Variants in KCNG3 observed in about 807,000 individuals in gnomAD.
KCNG3 encodes the protein potassium voltage-gated channel modifier subfamily G member 3.
A neutral mutation model predicts 29.0 loss-of-function variants in KCNG3; 15 were observed. That is an observed-to-expected ratio of 0.52 (90% confidence interval 0.35 to 0.80). KCNG3 has a LOEUF of 0.80. Ranked by LOEUF, KCNG3 falls within the 30% of genes least tolerant of loss-of-function variation. The pLI, the probability that KCNG3 is intolerant of heterozygous loss-of-function variation, is 0.01. For synonymous variants in KCNG3, 322 were observed against 248.9 expected, an observed-to-expected ratio of 1.29 and a Z score of -2.76; for missense variants, 512 against 605.7, an observed-to-expected ratio of 0.85 and a Z score of 1.62.
At chr2:42,432,943 A>C in the KCNG3 span, among the ~76,000 whole-genome samples, 5 of 146,456 alleles carry the variant, frequency 3.4e-5, no homozygotes, top group South Asian at 4.6e-4. Flanking sequence ...ATAAAAAAAA[A>C]AAAAACAAAA....
chr2:42,409,826 A>G, the KCNG3 span, among the ~76,000 whole-genome samples: 6 of 151,970 alleles, frequency 3.9e-5, no homozygotes, highest in Admixed American at 6.6e-5. Flanking sequence ...TTCTTCCCCA[A>G]TAATACTTAT....
At chr2:42,434,369 T>A in the KCNG3 span, among the ~76,000 whole-genome samples, 17 of 138,774 alleles carry the variant, frequency 1.2e-4, no homozygotes, top group Admixed American at 1.2e-3. Flanking sequence ...GACAGGAAGA[T>A]CCTTTGAGCC....
the KCNG3 span, among the ~76,000 whole-genome samples, chr2:42,391,595 CTTTTTTTTTTT>C: frequency 4.5e-5 from 4 of 88,104 alleles, no homozygotes; most frequent in Admixed American, 1.5e-4. Context: ...TTTTATATCT[CTTTTTTTTTTT>C]TTTTTTTTTT....
chr2:42,444,686 T>G lies in KCNG3; in HGVS notation c.666-107A>C. On this transcript the variant is annotated intron_variant, in intron 1 of 1. Coordinates refer to ENST00000306078, the MANE Select transcript of KCNG3 (RefSeq NM_133329.6). The surrounding 1 kb of genome is among the most constrained non-coding windows in gnomAD (Gnocchi z 5.8). ...ACTGACATACTAATTCAGTTACTTT[T>G]CCAGAAAACATAAAGAACAGACAAC... 1 of 1,023,554 alleles carries G rather than the reference T, an allele frequency of 9.8e-7. No individual in the cohort carries two copies. 63.4% of individuals were successfully genotyped at this position (1,023,554 alleles called of 1,614,324 possible).
At chr2:42,477,425 A>T (rs1389327686) in intron 1 of KCNG3, among the ~76,000 whole-genome samples, 3 of 42,862 alleles carry the variant, frequency 7.0e-5, no homozygotes, top group Non-Finnish European at 1.1e-4. Flanking sequence ...ACACACACAT[A>T]TATTTTTTTT....
rs1216743793 is a variant in KCNG3 at position 42,442,711 on chromosome 2, T to C, written c.*1223A>G. ...ACTGGTTGAAAAAGCAAAATTCTAA[T>C]TTCTGTTGCTAAAATTTAGTTACTA... is the stretch of plus-strand genomic sequence containing the variant. On this transcript the variant is annotated 3_prime_UTR_variant, in exon 2 of 2. Coordinates refer to ENST00000306078, the MANE Select transcript of KCNG3 (RefSeq NM_133329.6). The C allele has an allele frequency of 6.6e-6, 1 of 152,212 alleles. No homozygotes were observed. Among genetic ancestry groups the C allele is most frequent in the East Asian group, 1.9e-4 (1 of 5,204 alleles). 9.4% of individuals were successfully genotyped at this position (152,212 alleles called of 1,614,324 possible). A position where few individuals can be genotyped will look rare whatever the true frequency, so the allele number is the denominator to read the frequency against.
the KCNG3 span, among the ~76,000 whole-genome samples, chr2:42,433,797 G>A: frequency 6.6e-6 from 1 of 152,052 alleles, no homozygotes; most frequent in Admixed American, 6.6e-5. Context: ...CAACAAAAAA[G>A]ACAGAGAAAA....
At chr2:42,482,628 C>A (rs556130372) in intron 1 of KCNG3, among the ~76,000 whole-genome samples, 2 of 152,284 alleles carry the variant, frequency 1.3e-5, no homozygotes, top group Admixed American at 1.3e-4. Flanking sequence ...ACTCAGGGGG[C>A]TGAGGCACAA....
the KCNG3 span, among the ~76,000 whole-genome samples, chr2:42,403,203 C>T: frequency 6.6e-6 from 1 of 152,242 alleles, no homozygotes; most frequent in East Asian, 1.9e-4. Context: ...TGCAGTGGCA[C>T]GATCATGGCT....
chr2:42,450,329 C>T (rs1025189855), intron 1 of KCNG3, among the ~76,000 whole-genome samples: 2 of 152,074 alleles, frequency 1.3e-5, no homozygotes, highest in Non-Finnish European at 2.9e-5. Flanking sequence ...GTGAGAAACC[C>T]CAGGCATCAT....
chr2:42,394,461 T>C, the KCNG3 span, among the ~76,000 whole-genome samples: 1 of 152,230 alleles, frequency 6.6e-6, no homozygotes, highest in Admixed American at 6.5e-5. Context: ...AGGCCTTCTC[T>C]AGACCCTTGT....
At chr2:42,424,036 T>C in the KCNG3 span, among the ~76,000 whole-genome samples, 1 of 152,162 alleles carries the variant, frequency 6.6e-6, no homozygotes, top group Non-Finnish European at 1.5e-5. Flanking sequence ...CCCCAGAGCC[T>C]TTAGGCTCAA....
intron 1 of KCNG3, among the ~76,000 whole-genome samples, chr2:42,483,273 G>A (rs937567045): frequency 2.0e-5 from 3 of 152,210 alleles, no homozygotes; most frequent in Middle Eastern, 3.4e-3. Context: ...ATAAAGAATA[G>A]TTCTGACTTG....
chr2:42,419,156 C>T, the KCNG3 span, among the ~76,000 whole-genome samples: 1 of 144,622 alleles, frequency 6.9e-6, no homozygotes, highest in Non-Finnish European at 1.5e-5. Flanking sequence ...TCCTGACAGG[C>T]CTGTGGAAAT....
chr2:42,431,573 C>CTA, the KCNG3 span, among the ~76,000 whole-genome samples: 6 of 152,160 alleles, frequency 3.9e-5, no homozygotes, highest in African/African-American at 2.4e-5. Flanking sequence ...TAGTGGTGCT[C>CTA]TATCTAAGAA....
chr2:42,400,043 C>T, the KCNG3 span, among the ~76,000 whole-genome samples: 2 of 152,174 alleles, frequency 1.3e-5, no homozygotes, highest in African/African-American at 2.4e-5. Context: ...TGGAAGGTCG[C>T]GGCTGCAGTG....
chr2:42,482,395 C>T (rs1673609812), intron 1 of KCNG3, among the ~76,000 whole-genome samples: 1 of 151,992 alleles, frequency 6.6e-6, no homozygotes. Context: ...AATGGAAACA[C>T]AGAGAGACTC....
At chr2:42,471,900 A>AAAAG (rs1673299446) in intron 1 of KCNG3, among the ~76,000 whole-genome samples, 1 of 151,732 alleles carries the variant, frequency 6.6e-6, no homozygotes, top group Non-Finnish European at 1.5e-5. Context: ...AAAAAAAAAA[A>AAAAG]AAAGAAAGAA....
At chr2:42,478,748 G>A (rs868377595) in intron 1 of KCNG3, among the ~76,000 whole-genome samples, 1 of 152,092 alleles carries the variant, frequency 6.6e-6, no homozygotes, top group African/African-American at 2.4e-5. Context: ...GGCTACTTGA[G>A]GGCAAGGGTC....
Sources: allele counts gnomAD v4.1 joint callset (sites outside exome capture counted in the v4.1 genomes callset), GRCh38; gene constraint gnomAD v4.1.1; non-coding constraint Gnocchi (gnomAD v3.1); transcripts MANE v1.5; gene names NCBI Gene and HGNC (gene_info 2026-07-23, HGNC 2026-07-21).